Variants in SLCO1B1 observed in about 807,000 individuals in gnomAD.
SLCO1B1 encodes the protein solute carrier organic anion transporter family member 1B1.
In SLCO1B1, 81 loss-of-function variants were observed where a neutral mutation model predicts 70.1. The ratio of observed to expected loss-of-function variants is 1.16; its 90% CI spans 0.97 to 1.39. The LOEUF is 1.39. Ranked by LOEUF, SLCO1B1 falls within the 40% of genes most tolerant of loss-of-function variation. SLCO1B1 has a pLI of 0.00. For synonymous variants in SLCO1B1, 283 were observed against 271.5 expected, an observed-to-expected ratio of 1.04 and a Z score of -0.42; for missense variants, 895 against 799.6, an observed-to-expected ratio of 1.12 and a Z score of -1.44.
At chr12:21,230,959 C>CTA (rs1941529614) in intron 14 of SLCO1B1, among the ~76,000 whole-genome samples, 1 of 146,388 alleles carries the variant, frequency 6.8e-6, no homozygotes, top group African/African-American at 2.5e-5. Context: ...TCTCTCAGTG[C>CTA]TATCCCTCCC....
intron 7 of SLCO1B1, among the ~76,000 whole-genome samples, chr12:21,192,645 CT>C (rs1941044529): frequency 6.7e-6 from 1 of 149,260 alleles, no homozygotes; most frequent in South Asian, 2.1e-4. Context: ...GTTTGTTTTT[CT>C]TTTTATAATT....
intron 2 of SLCO1B1, among the ~76,000 whole-genome samples, chr12:21,165,470 A>G (rs769296977): frequency 2.0e-5 from 3 of 152,102 alleles, no homozygotes; most frequent in Non-Finnish European, 4.4e-5. Flanking sequence ...CCTTTTACCT[A>G]ATGCTAATCC....
intron 1 of SLCO1B1, among the ~76,000 whole-genome samples, chr12:21,137,825 G>A (rs915949089): frequency 5.3e-5 from 8 of 152,148 alleles, no homozygotes; most frequent in East Asian, 3.9e-4. Context: ...GCTTGCGCAC[G>A]GTGCGCTTCA....
intron 12 of SLCO1B1, among the ~76,000 whole-genome samples, chr12:21,219,302 A>G (rs1169442077): frequency 3.3e-5 from 5 of 152,214 alleles, no homozygotes; most frequent in Admixed American, 3.3e-4. Flanking sequence ...ATAGAAAATA[A>G]AGGTACAAGC....
chr12:21,148,168 C>T (rs907656042), intron 2 of SLCO1B1, among the ~76,000 whole-genome samples: 1 of 152,162 alleles, frequency 6.6e-6, no homozygotes, highest in East Asian at 1.9e-4. Context: ...TGCCTGTTCA[C>T]TCTGATGATA....
chr12:21,186,720 C>T (rs1940966417), intron 7 of SLCO1B1, among the ~76,000 whole-genome samples: 1 of 151,946 alleles, frequency 6.6e-6, no homozygotes, highest in South Asian at 2.1e-4. Flanking sequence ...GAGTCTATGC[C>T]AGCAGGCACA....
intron 10 of SLCO1B1, among the ~76,000 whole-genome samples, chr12:21,204,218 G>A (rs1941187897): frequency 6.6e-6 from 1 of 151,638 alleles, no homozygotes; most frequent in Non-Finnish European, 1.5e-5. Flanking sequence ...ACTTTATCAA[G>A]GGGTGCACAA....
intron 2 of SLCO1B1, among the ~76,000 whole-genome samples, chr12:21,146,693 A>T (rs929437356): frequency 1.3e-5 from 2 of 152,032 alleles, no homozygotes; most frequent in African/African-American, 4.8e-5. Context: ...CTTTTGACTC[A>T]TAAGTTACTT....
At chr12:21,205,330 T>C (rs1433544271) in intron 10 of SLCO1B1, among the ~76,000 whole-genome samples, 2 of 151,976 alleles carry the variant, frequency 1.3e-5, no homozygotes, top group African/African-American at 4.8e-5. Context: ...TCTAGCCTTT[T>C]TCAACTGATT....
intron 3 of SLCO1B1, among the ~76,000 whole-genome samples, chr12:21,173,875 A>G (rs2121099935): frequency 6.9e-6 from 1 of 144,788 alleles, no homozygotes; most frequent in East Asian, 2.0e-4. Flanking sequence ...CTCCTGCTTC[A>G]TCCTCCCGAG....
intron 12 of SLCO1B1, among the ~76,000 whole-genome samples, chr12:21,219,973 C>T (rs1003864125): frequency 1.3e-5 from 2 of 152,144 alleles, no homozygotes; most frequent in African/African-American, 4.8e-5. Flanking sequence ...GTTGGCCAGG[C>T]TGGTCTCAAA....
chr12:21,217,348 A>G (rs1419144330), intron 12 of SLCO1B1, 45 bp downstream of exon 12: 2 of 1,395,480 alleles, frequency 1.4e-6, no homozygotes, highest in African/African-American at 2.8e-5. Context: ...TGAGACTATA[A>G]ACACACCTAA....
chr12:21,158,511 T>C (rs541899157), intron 2 of SLCO1B1, among the ~76,000 whole-genome samples: 1 of 152,026 alleles, frequency 6.6e-6, no homozygotes, highest in African/African-American at 2.4e-5. Flanking sequence ...CTGGCCAACA[T>C]AGTGAAACCC....
At chr12:21,192,409 T>C (rs1217873824) in intron 7 of SLCO1B1, among the ~76,000 whole-genome samples, 1 of 151,946 alleles carries the variant, frequency 6.6e-6, no homozygotes, top group Non-Finnish European at 1.5e-5. Context: ...TATGATTGTT[T>C]TATTTTTCTA....
chr12:21,229,302 G>T (rs1372792317), intron 14 of SLCO1B1, among the ~76,000 whole-genome samples: 5 of 151,952 alleles, frequency 3.3e-5, no homozygotes, highest in Non-Finnish European at 7.4e-5. Flanking sequence ...TACTTTTATG[G>T]GTTTGGACAA....
chr12:21,152,533 CTTT>C (rs71043250), intron 2 of SLCO1B1, among the ~76,000 whole-genome samples: 2 of 34,356 alleles, frequency 5.8e-5, no homozygotes, highest in East Asian at 1.0e-3. Context: ...AGAGGAGAGG[CTTT>C]TTTTTTTTTT....
intron 14 of SLCO1B1, among the ~76,000 whole-genome samples, chr12:21,232,356 C>G (rs1941546989): frequency 6.6e-6 from 1 of 152,144 alleles, no homozygotes; most frequent in Non-Finnish European, 1.5e-5. Context: ...CTACAAAATT[C>G]CTGTCCTCTA....
At chr12:21,133,259 G>A (rs543381109) in intron 1 of SLCO1B1, among the ~76,000 whole-genome samples, 42 of 152,144 alleles carry the variant, frequency 2.8e-4, no homozygotes, top group Non-Finnish European at 4.7e-4. Flanking sequence ...TTTGAAGTCA[G>A]GTAGGGTGAT....
At chr12:21,158,184 A>G (rs553910504) in intron 2 of SLCO1B1, among the ~76,000 whole-genome samples, 1 of 152,316 alleles carries the variant, frequency 6.6e-6, no homozygotes, top group African/African-American at 2.4e-5. Flanking sequence ...GTTTTATCCA[A>G]CTTCTTATCA....
Sources: gnomAD v4.1 joint callset for allele counts (sites outside exome capture counted in the v4.1 genomes callset) on GRCh38, gnomAD v4.1.1 for gene constraint, MANE v1.5 for transcripts, NCBI Gene and HGNC (gene_info 2026-07-23, HGNC 2026-07-21) for gene names.